The following SEC61A1 variants were observed in gnomAD, a reference collection of about 807,000 sequenced individuals.
SEC61A1 encodes the protein SEC61 translocon subunit alpha 1, also known as protein transport protein Sec61 subunit alpha isoform 1.
A neutral mutation model predicts 55.2 loss-of-function variants in SEC61A1; 15 were observed. The ratio of observed to expected loss-of-function variants is 0.27; its 90% CI spans 0.18 to 0.42. SEC61A1 has a LOEUF of 0.42. SEC61A1 is among the 10% of genes least tolerant of loss of function. The pLI is 1.00. For missense variants in SEC61A1, 284 were observed against 602.6 expected, an observed-to-expected ratio of 0.47 and a Z score of 5.53; for synonymous variants, 247 against 234.0, an observed-to-expected ratio of 1.06 and a Z score of -0.51.
At position 128,065,053 on chromosome 3, in the gene SEC61A1, A is replaced by G. The variant is rs371847707; in HGVS notation, c.777+16A>G. ...CTATTTCCAGGTGTGTCCAGATCCA[A>G]CCCCAGGGAGTTTCCATGGTCTGGA... On this transcript the variant is annotated intron_variant, in intron 8 of 11. Coordinates refer to ENST00000243253, the MANE Select transcript of SEC61A1 (RefSeq NM_013336.4). 3.7e-6 allele frequency: 6 copies of G among 1,613,736 alleles called. No individual in the cohort carries two copies. The African/African-American group carries it at 8.0e-5, about 22-fold the overall frequency.
intron 7 of SEC61A1, among the ~76,000 whole-genome samples, chr3:128,062,448 G>A (rs1400047111): frequency 1.3e-5 from 2 of 152,220 alleles, no homozygotes; most frequent in Non-Finnish European, 2.9e-5. Flanking sequence ...ATGCAGAACT[G>A]GGAATTAGTC....
rs1037950065 is a variant in SEC61A1 at position 128,067,151 on chromosome 3, G to A, written c.975G>A (p.Ser325=). The change falls in exon 9 of 12, where the codon TCG becomes TCA. Residue 325 remains serine (S), a splice_region_variant and synonymous_variant. Transcript: ENST00000243253. This position sits in a 1 kb window ranked among gnomAD's most constrained non-coding sequence, Gnocchi z 4.1. The stretch of plus-strand genomic sequence containing the variant: ...TGGTCAGCCTGCTGGGCACCTGGTC[G>A]GTAAGTAGGCTCTTTGAAGATGAGC... The part of the protein sequence containing the change: ...NLLVSLLGTW[S]DTSSGGPARA... 1 of 1,614,018 alleles carries A rather than the reference G, an allele frequency of 6.2e-7. No homozygotes were observed.
intron 4 of SEC61A1, 108 bp from the exon 5 acceptor site, chr3:128,056,601 T>A: frequency 4.3e-6 from 4 of 935,614 alleles, no homozygotes; most frequent in Non-Finnish European, 4.6e-6. Flanking sequence ...CTGAAACACA[T>A]TGGTTTTATA....
At chr3:128,051,727 A>G (rs1218198442), upstream of SEC61A1, 4 of 1,473,304 alleles carry the variant, frequency 2.7e-6, no homozygotes, top group African/African-American at 5.6e-5. Context: ...GCTCGGCACA[A>G]AGGTACTCTC....
intron 5 of SEC61A1, 93 bp from the exon 6 acceptor site, chr3:128,060,009 C>G: frequency 3.4e-6 from 3 of 886,848 alleles, no homozygotes; most frequent in Non-Finnish European, 5.5e-6. Context: ...CTTTGTTCTC[C>G]CCCGTGCCTG....
At chr3:128,065,118 G>C in intron 8 of SEC61A1, 81 bp downstream of exon 8, 1 of 1,402,298 alleles carries the variant, frequency 7.1e-7, no homozygotes, top group African/African-American at 1.4e-5. Context: ...CCCCCACTCT[G>C]TGGGGTGCAC....
chr3:128,062,304 G>A (rs1941863678), intron 7 of SEC61A1, among the ~76,000 whole-genome samples: 1 of 152,232 alleles, frequency 6.6e-6, no homozygotes, highest in Admixed American at 6.5e-5. Context: ...GCCACACAGA[G>A]GGCACAGCTG....
At chr3:128,064,177 A>G (rs1314294201) in intron 7 of SEC61A1, among the ~76,000 whole-genome samples, 1 of 152,202 alleles carries the variant, frequency 6.6e-6, no homozygotes, top group Non-Finnish European at 1.5e-5. Flanking sequence ...GTACTTCTCA[A>G]GATTGTCCAG....
Position 128,068,166 on chromosome 3 carries a change from T to C in SEC61A1, c.1244+107T>C. The C allele has an allele frequency of 7.7e-6, 6 of 779,536 alleles. No homozygotes were observed. The South Asian group carries it at 8.8e-5, about 11-fold the overall frequency. The allele number at this position is 779,536 out of a possible 1,614,324, so 48.3% of individuals were successfully genotyped here. A position where few individuals can be genotyped will look rare whatever the true frequency, so the allele number is the denominator to read the frequency against. ...TAGCACTTACTGGGTCACTAAATCT[T>C]ATCCTTGGGTTACAGGACAGAATTA... On this transcript the variant is annotated intron_variant, in intron 11 of 11. Transcript: ENST00000243253.
Position 128,067,528 on chromosome 3 carries a change from A to C in SEC61A1, c.1083A>C (p.Ala361=). The change falls in exon 10 of 12, where the codon GCA becomes GCC. Residue 361 remains alanine (A), a synonymous_variant. Coordinates refer to ENST00000243253, the MANE Select transcript of SEC61A1 (RefSeq NM_013336.4). The surrounding 1 kb of genome is among the most constrained non-coding windows in gnomAD (Gnocchi z 4.1). The stretch of plus-strand genomic sequence containing the variant: ...CCGTGTTAGAAGACCCGGTCCATGC[A>C]GTTGTATACATAGTGTTCATGCTGG... The part of the protein sequence containing the change: ...FGSVLEDPVH[A]VVYIVFMLGS... The C allele has an allele frequency of 6.2e-7, 1 of 1,614,152 alleles. No individual in the cohort carries two copies. The highest frequency in any genetic ancestry group is 8.5e-7 in the Non-Finnish European group (1 of 1,180,022).
At chr3:128,069,364 GC>G in intron 11 of SEC61A1, 111 bp from the exon 12 acceptor site, 3 of 988,932 alleles carry the variant, frequency 3.0e-6, no homozygotes, top group Non-Finnish European at 4.5e-6. Flanking sequence ...CTAGGAGACA[GC>G]AGAGGGGCCT....
chr3:128,053,036 C>T, intron 2 of SEC61A1, 134 bp downstream of exon 2: 1 of 638,898 alleles, frequency 1.6e-6, no homozygotes, highest in South Asian at 2.1e-5. Context: ...TGTAGTTGTG[C>T]TCTGTTATTC....
chr3:128,062,533 G>T (rs1245050669), intron 7 of SEC61A1, among the ~76,000 whole-genome samples: 4 of 152,206 alleles, frequency 2.6e-5, no homozygotes, highest in Non-Finnish European at 5.9e-5. Context: ...GGGAATTGAC[G>T]AAAGACCGCC....
At chr3:128,069,427 ACGG>A in intron 11 of SEC61A1, 46 bp from the exon 12 acceptor site, 2 of 1,570,392 alleles carry the variant, frequency 1.3e-6, no homozygotes, top group South Asian at 2.3e-5. Flanking sequence ...CGCCTGGCTC[ACGG>A]GGAGCTCTGT....
At chr3:128,056,576 A>T (rs1309158747) in intron 4 of SEC61A1, 133 bp from the exon 5 acceptor site, 5 of 733,432 alleles carry the variant, frequency 6.8e-6, no homozygotes, top group Non-Finnish European at 8.3e-6. Flanking sequence ...TTCTAAATTA[A>T]ACACAGCTAG....
chr3:128,056,620 A>G (rs1941774260), intron 4 of SEC61A1, 89 bp from the exon 5 acceptor site: 7 of 1,198,038 alleles, frequency 5.8e-6, no homozygotes, highest in Non-Finnish European at 6.7e-6. Context: ...TATAAGGGGT[A>G]CCCAGTCAAA....
chr3:128,057,616 G>A (rs1941790965), intron 5 of SEC61A1, among the ~76,000 whole-genome samples: 1 of 152,160 alleles, frequency 6.6e-6, no homozygotes, highest in South Asian at 2.1e-4. Flanking sequence ...CCAGCACTTT[G>A]GGAGGCTGAG....
chr3:128,059,378 C>G (rs759786044), intron 5 of SEC61A1, among the ~76,000 whole-genome samples: 1 of 151,374 alleles, frequency 6.6e-6, no homozygotes, highest in Non-Finnish European at 1.5e-5. Context: ...GAGGCTGAGG[C>G]AGGAAAATCG....
At chr3:128,055,805 CTTAG>C (rs773123713) in intron 4 of SEC61A1, 54 bp downstream of exon 4, 4 of 1,399,080 alleles carry the variant, frequency 2.9e-6, no homozygotes, top group Non-Finnish European at 4.0e-6. Context: ...CCTAGCTTCA[CTTAG>C]TTAAATTAAT....
Sources: allele counts gnomAD v4.1 joint callset (sites outside exome capture counted in the v4.1 genomes callset), GRCh38; gene constraint gnomAD v4.1.1; non-coding constraint Gnocchi (gnomAD v3.1); transcripts MANE v1.5; gene names NCBI Gene and HGNC (gene_info 2026-07-23, HGNC 2026-07-21).